MATK: variants seen among roughly 807,000 people sequenced by gnomAD.
The protein encoded by MATK is megakaryocyte-associated tyrosine-protein kinase.
Under a neutral mutation model 59.8 loss-of-function variants are expected in MATK, and 41 were observed. That is an observed-to-expected ratio of 0.69 (90% CI 0.53 to 0.89). The LOEUF is 0.89. Among genes scored for constraint, MATK ranks in the 40% least tolerant of loss-of-function variants. The pLI is 0.00. For missense variants in MATK, 593 were observed against 719.6 expected (o/e 0.82, Z 2.01); for synonymous variants, 308 against 306.1 (o/e 1.01, Z -0.06).
intron 1 of MATK, among the ~76,000 whole-genome samples, chr19:3,792,047 G>T (rs896250344): frequency 6.6e-6 from 1 of 151,322 alleles, no homozygotes; most frequent in Admixed American, 6.6e-5. Flanking sequence ...GGCTGAGGTT[G>T]CAGTGAGCCA....
In MATK at chr19:3,786,093, C is replaced by T; in HGVS notation, c.-152+76G>A. On this transcript the variant is annotated intron_variant, in intron 1 of 13. Coordinates refer to ENST00000310132, the MANE Select transcript of MATK (RefSeq NM_139355.3). The surrounding 1 kb of genome is among the most constrained non-coding windows in gnomAD (Gnocchi z 4.1). ...CTTCCTGCGCACGTCCCGGGCCCACCCCCGCCTAGAGCCCTCGGGGTTTCC... is the reference window on the plus strand; with the variant it reads ...CTTCCTGCGCACGTCCCGGGCCCACTCCCGCCTAGAGCCCTCGGGGTTTCC... The T allele has an allele frequency of 7.8e-6, 5 of 636,950 alleles. No homozygotes were observed. Among genetic ancestry groups the T allele is most frequent in the Non-Finnish European group, 7.8e-6 (4 of 511,280 alleles). The allele number at this position is 636,950 out of a possible 1,614,324, so 39.5% of individuals were successfully genotyped here. A position where few individuals can be genotyped will look rare whatever the true frequency, so the allele number is the denominator to read the frequency against.
At chr19:3,791,351 C>T (rs986763516), upstream of MATK, among the ~76,000 whole-genome samples, 1 of 143,514 alleles carries the variant, frequency 7.0e-6, no homozygotes, top group Admixed American at 7.0e-5. Flanking sequence ...CCTCCCCCCA[C>T]TTTTTTTTTT....
chr19:3,782,101 G>T (rs1196042828), intron 7 of MATK, among the ~76,000 whole-genome samples: 1 of 151,706 alleles, frequency 6.6e-6, no homozygotes, highest in Non-Finnish European at 1.5e-5. Flanking sequence ...TACCCTCTGG[G>T]CTCTTCCCTA....
rs768002752 is a variant in MATK, at chr19:3,785,027, C to G, written c.72+37G>C. ...GAGGCATCCTGGATGGGACCCAGAA[C>G]TGGCTCCCCAAGCCCCTGTGGGGAA... On this transcript the variant is annotated intron_variant, in intron 2 of 13. Coordinates refer to ENST00000310132, the MANE Select transcript of MATK (RefSeq NM_139355.3). The G allele has an allele frequency of 3.7e-6, 6 of 1,603,148 alleles. No homozygotes were observed. In the South Asian group the frequency reaches 6.6e-5, roughly 18 times the overall value.
upstream of MATK, chr19:3,789,292 C>T (rs1332188031): frequency 1.2e-5 from 9 of 779,330 alleles, no homozygotes; most frequent in Non-Finnish European, 1.4e-5. Flanking sequence ...CTGCTGACCA[C>T]GGGTCCCTCG....
At chr19:3,783,041 A>C in intron 7 of MATK, 85 bp downstream of exon 7, 1 of 1,256,296 alleles carries the variant, frequency 8.0e-7, no homozygotes, top group Non-Finnish European at 1.1e-6. Flanking sequence ...ATCTGGCCTC[A>C]GAGGTGCGGG....
Position 3,786,231 on chromosome 19 carries a change from G to T in MATK, c.-214C>A. ...GCCCCCAGGAGGGCCTCCGCGAGCC[G>T]GCTGCACACCCCGAGGCGGTCCCGG... is the stretch of plus-strand genomic sequence containing the variant. On this transcript the variant is annotated 5_prime_UTR_variant, in exon 1 of 14. Coordinates refer to ENST00000310132, the MANE Select transcript of MATK (RefSeq NM_139355.3). This position sits in a 1 kb window ranked among gnomAD's most constrained non-coding sequence, Gnocchi z 4.1. 2.0e-6 allele frequency: 2 copies of T among 985,286 alleles called. No homozygotes were observed. Among genetic ancestry groups the T allele is most frequent in the Non-Finnish European group, 2.4e-6 (2 of 829,924 alleles). 61.0% of individuals were successfully genotyped at this position (985,286 alleles called of 1,614,324 possible). A position where few individuals can be genotyped will look rare whatever the true frequency, so the allele number is the denominator to read the frequency against.
upstream of MATK, among the ~76,000 whole-genome samples, chr19:3,788,642 A>G (rs1348552102): frequency 3.9e-5 from 5 of 127,312 alleles, no homozygotes; most frequent in Non-Finnish European, 7.0e-5. Context: ...AAAAAAAAAA[A>G]TAGAGATGGG....
chr19:3,792,638 C>T (rs991363045), intron 1 of MATK, among the ~76,000 whole-genome samples: 1 of 151,748 alleles, frequency 6.6e-6, no homozygotes, highest in African/African-American at 2.4e-5. Flanking sequence ...CTCAGCCTCC[C>T]GAGTAGGTGG....
chr19:3,784,587 C>A, intron 3 of MATK, 136 bp from the exon 4 acceptor site: 1 of 666,888 alleles, frequency 1.5e-6, no homozygotes, highest in Non-Finnish European at 2.6e-6. Context: ...AGAAAACAGA[C>A]GCAGACATCG....
intron 8 of MATK, among the ~76,000 whole-genome samples, chr19:3,781,118 T>C (rs1396033121): frequency 6.6e-6 from 1 of 152,212 alleles, no homozygotes; most frequent in Admixed American, 6.5e-5. Context: ...TTCAAATTTC[T>C]GGGTCATAGT....
intron 7 of MATK, 68 bp from the exon 8 acceptor site, chr19:3,781,740 G>T: frequency 8.0e-7 from 1 of 1,254,260 alleles, no homozygotes; most frequent in African/African-American, 1.5e-5. Context: ...GGTTCTACTT[G>T]GTGAGAGACT....
At chr19:3,782,277 C>A (rs957533202) in intron 7 of MATK, among the ~76,000 whole-genome samples, 2 of 152,160 alleles carry the variant, frequency 1.3e-5, no homozygotes, top group Admixed American at 1.3e-4. Context: ...GTTCTGCAGA[C>A]GTTCTCTTCT....
At chr19:3,780,806 G>T (rs558465171) in intron 8 of MATK, among the ~76,000 whole-genome samples, 4 of 151,576 alleles carry the variant, frequency 2.6e-5, no homozygotes, top group Non-Finnish European at 5.9e-5. Context: ...CGTGATCACA[G>T]CTCACTGCAG....
At chr19:3,780,487 G>A (rs550996121) in intron 8 of MATK, among the ~76,000 whole-genome samples, 2 of 151,812 alleles carry the variant, frequency 1.3e-5, no homozygotes, top group East Asian at 3.9e-4. Flanking sequence ...GAGTGCAGTG[G>A]CGCCATCTCT....
chr19:3,784,086 G>C lies in MATK; in HGVS notation c.362+38C>G. The C allele has an allele frequency of 1.9e-6, 3 of 1,588,536 alleles. No individual in the cohort carries two copies. In the South Asian group the frequency reaches 3.4e-5, roughly 18 times the overall value. Reference sequence around the variant, plus strand: ...CTGGGCTGTGGAGGGGGGGTCACTTGCTGTCCCCTACCCCAGGCCCCTGTC... The same window carrying C: ...CTGGGCTGTGGAGGGGGGGTCACTTCCTGTCCCCTACCCCAGGCCCCTGTC... On this transcript the variant is annotated intron_variant, in intron 5 of 13. Transcript: ENST00000310132.
At chr19:3,784,994 C>T in intron 2 of MATK, 70 bp downstream of exon 2, 1 of 1,529,206 alleles carries the variant, frequency 6.5e-7, no homozygotes, top group Non-Finnish European at 9.1e-7. Flanking sequence ...GCAGAGAGAG[C>T]CTCCCCAGAG....
At chr19:3,789,798 C>G (rs1246277046), upstream of MATK, among the ~76,000 whole-genome samples, 1 of 147,808 alleles carries the variant, frequency 6.8e-6, no homozygotes, top group Non-Finnish European at 1.5e-5. Flanking sequence ...GATCTCGGCT[C>G]ACTGCAACCT....
At position 3,779,361 on chromosome 19, in the gene MATK, C is replaced by G; in HGVS notation, c.1001+17G>C. 6.2e-7 allele frequency: 1 copy of G among 1,612,766 alleles called. No homozygotes were observed. Among genetic ancestry groups the G allele is most frequent in the Non-Finnish European group, 8.5e-7 (1 of 1,179,744 alleles). On this transcript the variant is annotated intron_variant, in intron 11 of 13. Coordinates refer to ENST00000310132, the MANE Select transcript of MATK (RefSeq NM_139355.3). ...CCGACGACCCCAGTGCCGCAGCACC[C>G]TGAGAGTCCCACTTACAGAGAAAAC...
Sources: gnomAD v4.1 joint callset for allele counts (sites outside exome capture counted in the v4.1 genomes callset) on GRCh38, gnomAD v4.1.1 for gene constraint, Gnocchi (gnomAD v3.1) non-coding constraint, MANE v1.5 for transcripts, NCBI Gene and HGNC (gene_info 2026-07-23, HGNC 2026-07-21) for gene names.